Variants in ZNF410 observed in about 807,000 individuals in gnomAD.
ZNF410 encodes zinc finger protein 410, also known as another partner for ARF 1.
A neutral mutation model predicts 54.8 loss-of-function variants in ZNF410; 18 were observed. That is an observed-to-expected ratio of 0.33 (90% confidence interval 0.23 to 0.49). The LOEUF (loss-of-function observed/expected upper bound fraction) is 0.49, where lower values mean the gene tolerates loss of function less well. Ranked by LOEUF, ZNF410 falls within the 20% of genes least tolerant of loss-of-function variation. ZNF410 has a pLI of 0.99. For synonymous variants in ZNF410, 191 were observed against 207.3 expected (o/e 0.92, Z 0.68); for missense variants, 405 against 569.6 (o/e 0.71, Z 2.94).
At chr14:73,904,254 T>C in intron 6 of ZNF410, 144 bp downstream of exon 6, 2 of 801,456 alleles carry the variant, frequency 2.5e-6, no homozygotes, top group Admixed American at 3.2e-5. Context: ...TTTTCTTTAA[T>C]AGAAGGATTT....
chr14:73,898,448 A>G, intron 5 of ZNF410, 186 bp downstream of exon 5: 1 of 653,964 alleles, frequency 1.5e-6, no homozygotes. Flanking sequence ...TGTGTTCAAA[A>G]CCAACTAGTA....
rs533513386 is a variant in ZNF410, at chr14:73,904,260, G to A, written c.731+150G>A. The A allele has an allele frequency of 4.8e-5, 36 of 755,112 alleles. No individual in the cohort carries two copies. In the South Asian group the frequency reaches 7.8e-4, roughly 16 times the overall value. The allele number at this position is 755,112 out of a possible 1,614,324, so 46.8% of individuals were successfully genotyped here. On this transcript the variant is annotated intron_variant, in intron 6 of 11. Coordinates refer to ENST00000555044, the MANE Select transcript of ZNF410 (RefSeq NM_021188.3). The stretch of plus-strand genomic sequence containing the variant: ...GATATCTTTTTTTCTTTAATAGAAG[G>A]ATTTGCATTGTCTCATTTATCTCAT...
Position 73,896,542 on chromosome 14 carries a change from T to G in ZNF410, c.388+8T>G. On this transcript the variant is annotated splice_region_variant and intron_variant, in intron 4 of 11. Transcript: ENST00000555044. ...TTAACCTAACAAGAGCAGGTATTCTTTCCTTTTTTTTGGGCTCTGCTTATG... is the reference window on the plus strand; with the variant it reads ...TTAACCTAACAAGAGCAGGTATTCTGTCCTTTTTTTTGGGCTCTGCTTATG... The G allele has an allele frequency of 6.2e-7, 1 of 1,612,228 alleles. No individual in the cohort carries two copies. Among genetic ancestry groups the G allele is most frequent in the Non-Finnish European group, 8.5e-7 (1 of 1,179,370 alleles).
intron 8 of ZNF410, chr14:73,920,670 T>G (rs1422362756): frequency 3.7e-6 from 1 of 269,294 alleles, no homozygotes; most frequent in African/African-American, 2.2e-5. Context: ...CATGGAAGAC[T>G]AACTGAAAAA....
At chr14:73,923,370 G>A in intron 10 of ZNF410, 25 bp from the exon 11 acceptor site, 1 of 1,606,774 alleles carries the variant, frequency 6.2e-7, no homozygotes, top group East Asian at 2.2e-5. Context: ...ACTTTTCATT[G>A]AAACATTTTT....
chr14:73,921,989 A>C (rs1488422972), intron 9 of ZNF410, 77 bp from the exon 10 acceptor site: 34 of 1,551,544 alleles, frequency 2.2e-5, no homozygotes, highest in Non-Finnish European at 2.9e-5. Flanking sequence ...AGAGAAGGCC[A>C]GCTTCTGTTG....
chr14:73,888,145 TGA>T (rs2055172501), intron 1 of ZNF410: 1 of 151,976 alleles, frequency 6.6e-6, no homozygotes, highest in African/African-American at 2.4e-5. Flanking sequence ...AAATGGAGAA[TGA>T]GAGAGATTTA....
intron 5 of ZNF410, among the ~76,000 whole-genome samples, chr14:73,901,638 C>T (rs909812259): frequency 6.6e-6 from 1 of 151,522 alleles, no homozygotes; most frequent in Non-Finnish European, 1.5e-5. Flanking sequence ...ACTGTATTAG[C>T]ATGATTTTTT....
chr14:73,903,862 A>T, intron 5 of ZNF410, 98 bp from the exon 6 acceptor site: 2 of 1,451,038 alleles, frequency 1.4e-6, no homozygotes, highest in Non-Finnish European at 1.9e-6. Context: ...ATACCTGATT[A>T]ATGATCACTA....
chr14:73,916,983 AAAAT>A (rs1320684264), intron 8 of ZNF410, among the ~76,000 whole-genome samples: 3 of 152,216 alleles, frequency 2.0e-5, no homozygotes, highest in East Asian at 1.9e-4. Flanking sequence ...GCGTCTCAAA[AAAAT>A]AAATAAATAA....
chr14:73,918,771 T>G (rs1211888199), intron 8 of ZNF410, among the ~76,000 whole-genome samples: 5 of 139,470 alleles, frequency 3.6e-5, no homozygotes, highest in Non-Finnish European at 7.6e-5. Flanking sequence ...TGATGTCGGC[T>G]CACTGCAAGC....
At chr14:73,904,764 TA>T (rs35370876) in intron 6 of ZNF410, 137 bp from the exon 7 acceptor site, 370,655 of 971,560 alleles carry the variant, frequency 0.38, 76,066 homozygotes, top group Non-Finnish European at 0.43. Flanking sequence ...GCTATAGTTT[TA>T]ACAAAGTCTT....
At chr14:73,918,738 T>A in intron 8 of ZNF410, among the ~76,000 whole-genome samples, 1 of 125,702 alleles carries the variant, frequency 8.0e-6, no homozygotes, top group Non-Finnish European at 1.6e-5. Context: ...TCTTGCTGTC[T>A]CCCAGGCTGG....
At chr14:73,892,975 G>A (rs1401822433) in intron 2 of ZNF410, among the ~76,000 whole-genome samples, 1 of 152,132 alleles carries the variant, frequency 6.6e-6, no homozygotes, top group Non-Finnish European at 1.5e-5. Context: ...CCAGCTACTT[G>A]GGAGGCTGAG....
intron 3 of ZNF410, among the ~76,000 whole-genome samples, chr14:73,895,055 T>A (rs1175837056): frequency 6.6e-6 from 1 of 151,980 alleles, no homozygotes; most frequent in East Asian, 1.9e-4. Flanking sequence ...CCAGCTGAGG[T>A]GGGAAGATCA....
rs537115143 is a variant in ZNF410 at position 73,930,476 on chromosome 14, C to G, written c.1399-1027C>G. Among the ~76,000 whole-genome samples, 6 of 151,206 alleles carry G rather than the reference C, an allele frequency of 4.0e-5. 1 individual carries two copies. The South Asian group carries it at 1.3e-3, about 32-fold the overall frequency. On this transcript the variant is annotated intron_variant, in intron 11 of 11. Coordinates refer to ENST00000555044, the MANE Select transcript of ZNF410 (RefSeq NM_021188.3). ...TGGTGCCCAGCCCAATCATTAAATT[C>G]TACTGTATAAATTACCTTCATCCAA...
chr14:73,931,197 G>T (rs551883074), intron 11 of ZNF410, among the ~76,000 whole-genome samples: 1 of 152,220 alleles, frequency 6.6e-6, no homozygotes, highest in South Asian at 2.1e-4. Context: ...TGTTTTCCCT[G>T]TAAGTTAGAG....
intron 4 of ZNF410, among the ~76,000 whole-genome samples, chr14:73,897,541 GA>G (rs1251587324): frequency 6.6e-6 from 1 of 152,142 alleles, no homozygotes; most frequent in African/African-American, 2.4e-5. Flanking sequence ...GGTTGACCAA[GA>G]AAGACAGCTT....
Position 73,924,779 on chromosome 14 carries a change from C to T in ZNF410, c.1398+1257C>T, listed in dbSNP as rs57578129. Reference sequence around the variant, plus strand: ...GCAACCTCTGCCTCCCAGGTTCAAGCGATTCTCCTGCCTCAGCCTCCTGAG... The same window carrying T: ...GCAACCTCTGCCTCCCAGGTTCAAGTGATTCTCCTGCCTCAGCCTCCTGAG... On this transcript the variant is annotated intron_variant, in intron 11 of 11. Transcript: ENST00000555044. The T allele has an allele frequency of 0.014, 5,553 of 404,664 alleles. 287 individuals carry two copies. The highest frequency in any genetic ancestry group is 0.11 in the African/African-American group (5,041 of 46,826). 25.1% of individuals were successfully genotyped at this position (404,664 alleles called of 1,614,324 possible). A position where few individuals can be genotyped will look rare whatever the true frequency, so the allele number is the denominator to read the frequency against.
Sources: allele counts gnomAD v4.1 joint callset (sites outside exome capture counted in the v4.1 genomes callset), GRCh38; gene constraint gnomAD v4.1.1; transcripts MANE v1.5; gene names NCBI Gene and HGNC (gene_info 2026-07-23, HGNC 2026-07-21).